The following ENO1 variants were observed in gnomAD, a reference collection of about 807,000 sequenced individuals.
ENO1 encodes enolase 1.
In ENO1, 33 loss-of-function variants were observed where a neutral mutation model predicts 46.3. That is an observed-to-expected ratio of 0.71 (90% CI 0.54 to 0.95). The LOEUF (loss-of-function observed/expected upper bound fraction) is 0.95, where lower values mean the gene tolerates loss of function less well. Ranked by LOEUF, ENO1 falls within the 40% of genes least tolerant of loss-of-function variation. The pLI, the probability that ENO1 is intolerant of heterozygous loss-of-function variation, is 0.00. For synonymous variants in ENO1, 220 were observed against 216.0 expected (o/e 1.02, Z -0.16); for missense variants, 488 against 553.3 (o/e 0.88, Z 1.18).
Position 8,863,890 on chromosome 1 carries a change from C to G in ENO1, c.1067+1G>C. 6.2e-7 allele frequency: 1 copy of G among 1,614,140 alleles called. No individual in the cohort carries two copies. Among genetic ancestry groups the G allele is most frequent in the Non-Finnish European group, 8.5e-7 (1 of 1,180,012 alleles). On this transcript the variant is annotated splice_donor_variant, in intron 9 of 11. Coordinates refer to ENST00000234590, the MANE Select transcript of ENO1 (RefSeq NM_001428.5). LOFTEE classifies it high-confidence loss of function. The stretch of plus-strand genomic sequence containing the variant: ...AGCTGCTCGCCTGGGAAGACACTTA[C>G]GCCTGAAGAGACTCGGTCACGGAGC...
At chr1:8,870,176 AATTT>A in intron 4 of ENO1, 2 of 453,630 alleles carry the variant, frequency 4.4e-6, no homozygotes, top group African/African-American at 1.9e-5. Flanking sequence ...TCTGGATCTT[AATTT>A]CTTCAAAGGT....
rs1642604244 is a variant in ENO1 at position 8,870,372 on chromosome 1, T to C, written c.240+80A>G. On this transcript the variant is annotated intron_variant, in intron 4 of 11. Transcript: ENST00000234590. ...TTCTACAGCTCTCAGAATAAGCTCT[T>C]CCATAAACAGGAAAGCCCCTGGGCC... 4.3e-5 allele frequency: 67 copies of C among 1,570,312 alleles called. No individual in the cohort carries two copies. The South Asian group carries it at 7.1e-4, about 17-fold the overall frequency.
chr1:8,876,095 A>G (rs988234882), intron 1 of ENO1: 6 of 152,120 alleles, frequency 3.9e-5, no homozygotes. Context: ...TCAAAGAAAA[A>G]CCCATTCTTA....
At position 8,866,470 on chromosome 1, in the gene ENO1, G is replaced by C; in HGVS notation, c.476C>G (p.Ala159Gly). 6.2e-7 allele frequency: 1 copy of C among 1,614,236 alleles called. No individual in the cohort carries two copies. Among genetic ancestry groups the C allele is most frequent in the Non-Finnish European group, 8.5e-7 (1 of 1,180,040 alleles). ...CTCCTGCATGGCCAGCTTGTTGCCA[G>C]CATGAGAACCGCCATTGATGACATT... ...AFNVINGGSH[A>G]GNKLAMQEFM... The change falls in exon 7 of 12, where the codon GCT (alanine) becomes GGT (glycine). Residue 159 changes from alanine to glycine, a missense_variant. By Grantham distance (60) the Ala-to-Gly change is moderately conservative (BLOSUM62 0). Transcript: ENST00000234590.
At chr1:8,873,293 C>T (rs919667305) in intron 2 of ENO1, among the ~76,000 whole-genome samples, 6 of 152,164 alleles carry the variant, frequency 3.9e-5, no homozygotes, top group Admixed American at 1.3e-4. Context: ...CTGCACCTTC[C>T]GCCTGCTTCT....
In ENO1 at chr1:8,865,808, G is replaced by A. The variant is rs968215154; in HGVS notation, c.668-326C>T. 4.6e-5 allele frequency among the ~76,000 whole-genome samples: 7 copies of A among 152,236 alleles called. 1 individual carries two copies. Among genetic ancestry groups the A allele is most frequent in the African/African-American group, 1.7e-4 (7 of 41,556 alleles). On this transcript the variant is annotated intron_variant, in intron 7 of 11. Transcript: ENST00000234590. ...AGCAGCTGAGATCAGCTGTCCCAAG[G>A]CACAGGCCTTAAATAGAGCAGAAGC...
At chr1:8,867,003 C>G (rs2124073804) in intron 6 of ENO1, 114 bp downstream of exon 6, 1 of 1,458,864 alleles carries the variant, frequency 6.9e-7, no homozygotes, top group South Asian at 1.4e-5. Context: ...AGGGGCAGAG[C>G]TGTGCTGGGA....
intron 1 of ENO1, chr1:8,875,780 TTTAG>T (rs1284227296): frequency 2.0e-5 from 3 of 152,064 alleles, no homozygotes; most frequent in African/African-American, 7.2e-5. Flanking sequence ...TTTATTTTAT[TTTAG>T]TTACTTTTTT....
intron 1 of ENO1, chr1:8,878,216 C>G (rs1337882102): frequency 5.1e-6 from 1 of 197,568 alleles, no homozygotes; most frequent in Admixed American, 5.8e-5. Flanking sequence ...AAACCTTACA[C>G]TTGGCTACGA....
chr1:8,874,730 G>A, intron 2 of ENO1, 94 bp downstream of exon 2: 1 of 1,117,422 alleles, frequency 8.9e-7, no homozygotes, highest in Non-Finnish European at 1.3e-6. Flanking sequence ...AGCTTTAACA[G>A]ATTTTTTTTT....
In ENO1 at chr1:8,870,454, T is replaced by C. The variant is rs781503761; in HGVS notation, c.238A>G (p.Lys80Glu). ...AGTTATCAGGAGGCAGGTCCTACCT[T>C]GCTAACCAGGGCAGGCGCAATAGTT... The part of the protein sequence containing the change: ...NKTIAPALVS[K>E]KLNVTEQEKI... The change falls in exon 4 of 12, where the codon AAG (lysine) becomes GAG (glutamate). Residue 80 changes from lysine (K) to glutamate (E), a missense_variant and splice_region_variant. By Grantham distance (56) the Lys-to-Glu change is moderately conservative. Transcript: ENST00000234590. The C allele has an allele frequency of 1.9e-6, 3 of 1,614,034 alleles. No homozygotes were observed. The highest frequency in any genetic ancestry group is 2.5e-6 in the Non-Finnish European group (3 of 1,180,024).
chr1:8,870,887 C>G (rs973135125), intron 3 of ENO1: 1 of 1,256,566 alleles, frequency 8.0e-7, no homozygotes, highest in Non-Finnish European at 1.0e-6. Flanking sequence ...GAGACGCCTG[C>G]CCAGCAGAGG....
chr1:8,868,027 C>T lies in ENO1; in HGVS notation c.271G>A (p.Asp91Asn). The change falls in exon 5 of 12, where the codon GAC (aspartate) becomes AAC (asparagine). Residue 91 changes from aspartate to asparagine, a missense_variant. By Grantham distance (23) the Asp-to-Asn change is conservative. Transcript: ENST00000234590. ...KLNVTEQEKIDKLMIEMDGTE... is the reference protein window; with the variant it reads ...KLNVTEQEKINKLMIEMDGTE... Reference sequence around the variant, plus strand: ...CCATCCATCTCGATCATCAGTTTGTCAATCTTCTCTTGTTCTGTGACGTTC... The same window carrying T: ...CCATCCATCTCGATCATCAGTTTGTTAATCTTCTCTTGTTCTGTGACGTTC... The T allele has an allele frequency of 6.2e-7, 1 of 1,614,074 alleles. No individual in the cohort carries two copies. The highest frequency in any genetic ancestry group is 8.5e-7 in the Non-Finnish European group (1 of 1,179,968).
At chr1:8,867,312 T>C (rs1033328628) in intron 5 of ENO1, 62 bp from the exon 6 acceptor site, 2 of 1,601,582 alleles carry the variant, frequency 1.2e-6, no homozygotes, top group East Asian at 2.2e-5. Context: ...TTTCTCCTGC[T>C]GTACTGCCCT....
rs1642525959 is a variant in ENO1 at position 8,866,647 on chromosome 1, G to A, written c.445-146C>T. On this transcript the variant is annotated intron_variant, in intron 6 of 11. Transcript: ENST00000234590. Reference sequence around the variant, plus strand: ...GGAGCACCAGAGGGGCCAGGGTGCTGTGAAATGCTCACCAGGTCTCTGACT... The same window carrying A: ...GGAGCACCAGAGGGGCCAGGGTGCTATGAAATGCTCACCAGGTCTCTGACT... 9 of 779,168 alleles carry A rather than the reference G, an allele frequency of 1.2e-5. No individual in the cohort carries two copies. The East Asian group carries it at 2.3e-4, about 20-fold the overall frequency. The allele number at this position is 779,168 out of a possible 1,614,324, so 48.3% of individuals were successfully genotyped here. A position where few individuals can be genotyped will look rare whatever the true frequency, so the allele number is the denominator to read the frequency against.
intron 3 of ENO1, chr1:8,871,484 C>A (rs1435192346): frequency 9.9e-7 from 1 of 1,012,620 alleles, no homozygotes; most frequent in Non-Finnish European, 1.2e-6. Context: ...TTGGTTAGAC[C>A]TTCCCTGGAT....
intron 3 of ENO1, 164 bp downstream of exon 3, chr1:8,871,727 T>C (rs750728428): frequency 1.6e-6 from 2 of 1,256,748 alleles, no homozygotes; most frequent in South Asian, 3.2e-5. Context: ...CCAACTTTCC[T>C]GTCCACAAGG....
intron 4 of ENO1, among the ~76,000 whole-genome samples, chr1:8,869,758 C>A (rs1368482136): frequency 6.6e-6 from 1 of 152,162 alleles, no homozygotes; most frequent in Non-Finnish European, 1.5e-5. Context: ...TAGGGTTTCA[C>A]CATGTTGGCT....
chr1:8,878,681 G>A lies in ENO1; in HGVS notation c.-111C>T, dbSNP rs1353736464. ...GATCTCCGTGCTCCGGGTACCCACA[G>A]ATACTGTCCGCGCCGCCCGCGCCGA... On this transcript the variant is annotated 5_prime_UTR_variant, in exon 1 of 12. Transcript: ENST00000234590. 2 of 456,124 alleles carry A rather than the reference G, an allele frequency of 4.4e-6. No homozygotes were observed. Among genetic ancestry groups the A allele is most frequent in the South Asian group, 1.5e-5 (1 of 64,566 alleles). 28.3% of individuals were successfully genotyped at this position (456,124 alleles called of 1,614,324 possible).
Sources: gnomAD v4.1 joint callset for allele counts (sites outside exome capture counted in the v4.1 genomes callset) on GRCh38, gnomAD v4.1.1 for gene constraint, MANE v1.5 for transcripts, NCBI Gene and HGNC (gene_info 2026-07-23, HGNC 2026-07-21) for gene names.